MLPH: variants seen among roughly 807,000 people sequenced by gnomAD.
The protein encoded by MLPH is exophilin-3.
Under a neutral mutation model 72.1 loss-of-function variants are expected in MLPH, and 51 were observed. The observed-to-expected ratio is 0.71, with a 90% CI of 0.56 to 0.89. MLPH has a LOEUF of 0.89. MLPH is among the 40% of genes least tolerant of loss of function. The probability of loss-of-function intolerance (pLI) is 0.00; values close to 1 mark genes in which losing one functional copy is unlikely to be tolerated. For missense variants in MLPH, 743 were observed against 759.9 expected, an observed-to-expected ratio of 0.98 and a Z score of 0.26; for synonymous variants, 301 against 310.1, an observed-to-expected ratio of 0.97 and a Z score of 0.31.
chr2:237,500,628 G>A (rs1210129753), intron 2 of MLPH, among the ~76,000 whole-genome samples: 1 of 152,072 alleles, frequency 6.6e-6, no homozygotes, highest in Non-Finnish European at 1.5e-5. Context: ...CGGCCAAAGT[G>A]TTCCACTGAC....
chr2:237,489,625 T>C (rs6760963), intron 1 of MLPH, among the ~76,000 whole-genome samples: 20,558 of 152,212 alleles, frequency 0.14, 1,483 homozygotes, highest in Non-Finnish European at 0.16. Context: ...TCAGCAAGAA[T>C]AACACCACAC....
At chr2:237,518,184 G>A (rs549734908) in intron 4 of MLPH, 2 of 385,896 alleles carry the variant, frequency 5.2e-6, no homozygotes, top group African/African-American at 2.1e-5. Context: ...CACTGATTGA[G>A]TGGGTGGATG....
chr2:237,533,036 G>T (rs1402424269), intron 8 of MLPH, among the ~76,000 whole-genome samples: 1 of 152,220 alleles, frequency 6.6e-6, no homozygotes, highest in East Asian at 1.9e-4. Context: ...GGAGCTGATG[G>T]TGCCTTTGAT....
intron 11 of MLPH, 23 bp from the exon 12 acceptor site, chr2:237,542,528 GTCTGTCTGACGGGCCT>G (rs1559372166): frequency 6.6e-7 from 1 of 1,507,888 alleles, no homozygotes. Context: ...GATCTCGAGC[GTCTGTCTGACGGGCCT>G]TCTGTCTGCT....
rs1013900678 is a variant in MLPH, at chr2:237,505,545, G to A, written c.111-5029G>A. Among the ~76,000 whole-genome samples, 3 of 152,220 alleles carry A rather than the reference G, an allele frequency of 2.0e-5. No individual in the cohort carries two copies. In the South Asian group the frequency reaches 6.2e-4, roughly 32 times the overall value. On this transcript the variant is annotated intron_variant, in intron 2 of 15. Coordinates refer to ENST00000264605, the MANE Select transcript of MLPH (RefSeq NM_024101.7). This position sits in a 1 kb window ranked among gnomAD's most constrained non-coding sequence, Gnocchi z 4.5. ...AGCTTCCCCCTGCTGTGCCTTCAGG[G>A]GTGGCCACCAGCCCCGCCATCCTGG...
chr2:237,538,680 CAA>C (rs376518674), intron 9 of MLPH, among the ~76,000 whole-genome samples: 5 of 152,160 alleles, frequency 3.3e-5, no homozygotes, highest in East Asian at 1.9e-4. Context: ...AACACACACA[CAA>C]AAAGACAGGT....
chr2:237,516,873 G>T (rs57131366), intron 4 of MLPH, among the ~76,000 whole-genome samples: 8 of 129,662 alleles, frequency 6.2e-5, no homozygotes, highest in Non-Finnish European at 1.3e-4. Context: ...GGATGGATGG[G>T]TGGATGGATG....
intron 6 of MLPH, among the ~76,000 whole-genome samples, chr2:237,521,720 C>T (rs1415810691): frequency 6.6e-6 from 1 of 152,260 alleles, no homozygotes; most frequent in Non-Finnish European, 1.5e-5. Context: ...AGCAGGAAAA[C>T]TCCAGCTACA....
chr2:237,490,295 C>T (rs1465004054), intron 1 of MLPH, among the ~76,000 whole-genome samples: 1 of 151,642 alleles, frequency 6.6e-6, no homozygotes, highest in Admixed American at 6.6e-5. Context: ...CACTATCGCA[C>T]TGCAGCCTGA....
intron 1 of MLPH, among the ~76,000 whole-genome samples, chr2:237,490,233 G>T (rs1488106671): frequency 6.6e-6 from 1 of 151,934 alleles, no homozygotes; most frequent in Non-Finnish European, 1.5e-5. Context: ...CATATTCTCT[G>T]CCCTCACCTC....
At chr2:237,513,683 C>T (rs1047902870) in intron 4 of MLPH, among the ~76,000 whole-genome samples, 5 of 152,118 alleles carry the variant, frequency 3.3e-5, no homozygotes, top group Non-Finnish European at 7.3e-5. Context: ...GGGATACTTC[C>T]TCTTCATGTT....
intron 2 of MLPH, among the ~76,000 whole-genome samples, chr2:237,497,723 T>C (rs10186010): frequency 0.28 from 42,722 of 152,184 alleles, 11,252 homozygotes; most frequent in African/African-American, 0.69. Flanking sequence ...CCTCCTTCCC[T>C]GTCTTTCATC....
At chr2:237,537,681 C>G (rs2080565628) in intron 9 of MLPH, 1 of 152,272 alleles carries the variant, frequency 6.6e-6, no homozygotes, top group African/African-American at 2.4e-5. Context: ...CGATCTGTCT[C>G]AATAGGCTTC....
At chr2:237,493,592 C>A in intron 2 of MLPH, 56 bp downstream of exon 2, 1 of 1,352,384 alleles carries the variant, frequency 7.4e-7, no homozygotes, top group Non-Finnish European at 1.1e-6. Flanking sequence ...TCCCCCAGGG[C>A]CATCATATGG....
rs566751466 is a variant in MLPH, at chr2:237,513,767, G to T, written c.445+2666G>T. Among the ~76,000 whole-genome samples, 39 of 152,168 alleles carry T rather than the reference G, an allele frequency of 2.6e-4. No homozygotes were observed. In the South Asian group the frequency reaches 7.9e-3, roughly 31 times the overall value. On this transcript the variant is annotated intron_variant, in intron 4 of 15. Coordinates refer to ENST00000264605, the MANE Select transcript of MLPH (RefSeq NM_024101.7). The stretch of plus-strand genomic sequence containing the variant: ...CAGAAAGCTCATTTCCGCATCCCTG[G>T]GTGCAGGGGGAGTTCACGGGGTCTC...
chr2:237,540,765 C>T (rs372038501), intron 10 of MLPH, 37 bp from the exon 11 acceptor site: 1 of 1,609,510 alleles, frequency 6.2e-7, no homozygotes, highest in Non-Finnish European at 8.5e-7. Flanking sequence ...CACACTCCCT[C>T]CTGCTGCTGG....
Position 237,549,245 on chromosome 2 carries a change from A to G in MLPH, c.1642A>G (p.Arg548Gly). 6.2e-7 allele frequency: 1 copy of G among 1,614,152 alleles called. No individual in the cohort carries two copies. The highest frequency in any genetic ancestry group is 8.5e-7 in the Non-Finnish European group (1 of 1,180,004). Residue 548 changes from arginine (R) to glycine (G), a missense_variant, in exon 14 of 16, where the codon AGA becomes GGA. Coordinates refer to ENST00000264605, the MANE Select transcript of MLPH (RefSeq NM_024101.7). ...GGCAATGGCTGTGCCCTATCTTCTGAGAAGAAAGTTCAGTAATTCCCTGAA... is the reference window on the plus strand; with the variant it reads ...GGCAATGGCTGTGCCCTATCTTCTGGGAAGAAAGTTCAGTAATTCCCTGAA... ...AKAMAVPYLL[R>G]RKFSNSLKSQ... is the part of the protein sequence containing the mutation.
rs1283688846 is a variant in MLPH, at chr2:237,493,435, G to A, written c.9G>A (p.Lys3=). The change falls in exon 2 of 16, where the codon AAG becomes AAA. Residue 3 remains lysine, a synonymous_variant. Coordinates refer to ENST00000264605, the MANE Select transcript of MLPH (RefSeq NM_024101.7). ...CCCGACAAGAAGCAGAAATGGGGAA[G>A]AAACTGGATCTTTCCAAGCTCACTG... The part of the protein sequence containing the change: MG[K]KLDLSKLTDE... 2 of 1,613,802 alleles carry A rather than the reference G, an allele frequency of 1.2e-6. No homozygotes were observed. Among genetic ancestry groups the A allele is most frequent in the Non-Finnish European group, 1.7e-6 (2 of 1,179,830 alleles).
At chr2:237,550,704 C>T (rs970672318) in intron 14 of MLPH, among the ~76,000 whole-genome samples, 3 of 152,114 alleles carry the variant, frequency 2.0e-5, no homozygotes, top group Non-Finnish European at 4.4e-5. Context: ...TGCCTGCCAC[C>T]ATGCTAGGCT....
Sources: gnomAD v4.1 joint callset for allele counts (sites outside exome capture counted in the v4.1 genomes callset) on GRCh38, gnomAD v4.1.1 for gene constraint, Gnocchi (gnomAD v3.1) non-coding constraint, MANE v1.5 for transcripts, NCBI Gene and HGNC (gene_info 2026-07-23, HGNC 2026-07-21) for gene names.